Variants in SLX4 observed in about 807,000 individuals in gnomAD.
The protein encoded by SLX4 is SLX4 structure-specific endonuclease subunit.
SLX4 carries 112 observed loss-of-function variants against 146.2 expected under a neutral mutation model. That is an observed-to-expected ratio of 0.77 (90% CI 0.66 to 0.90). The LOEUF (loss-of-function observed/expected upper bound fraction) is 0.90, where lower values mean the gene tolerates loss of function less well. Among genes scored for constraint, SLX4 ranks in the 40% least tolerant of loss-of-function variants. SLX4 has a pLI of 0.00. For missense variants in SLX4, 2,563 were observed against 2,392.7 expected (o/e 1.07, Z -1.49); for synonymous variants, 1,061 against 997.7 (o/e 1.06, Z -1.20).
At position 3,608,507 on chromosome 16, in the gene SLX4, A is replaced by C. The variant is rs778977050; in HGVS notation, c.458T>G (p.Leu153Arg). The C allele has an allele frequency of 2.5e-6, 4 of 1,614,048 alleles. No homozygotes were observed. The highest frequency in any genetic ancestry group is 3.4e-6 in the Non-Finnish European group (4 of 1,180,032). Residue 153 changes from leucine to arginine, a missense_variant, in exon 2 of 15, where the codon CTC becomes CGC. Transcript: ENST00000294008. ...VLASAPDPPVLRETAQNTQTG... is the reference protein window; with the variant it reads ...VLASAPDPPVRRETAQNTQTG... ...CTGGGTGTTTTGTGCTGTTTCCCGGAGCACAGGTGGATCTGGAGCAGAGGC... is the reference window on the plus strand; with the variant it reads ...CTGGGTGTTTTGTGCTGTTTCCCGGCGCACAGGTGGATCTGGAGCAGAGGC...
chr16:3,587,540 C>T (rs2040521890), intron 12 of SLX4, among the ~76,000 whole-genome samples: 2 of 152,270 alleles, frequency 1.3e-5, no homozygotes, highest in South Asian at 2.1e-4. Context: ...TTTGAGCCCC[C>T]GATGAAAGCG....
chr16:3,610,866 G>A (rs1483892129), intron 1 of SLX4, among the ~76,000 whole-genome samples: 1 of 152,190 alleles, frequency 6.6e-6, no homozygotes, highest in Non-Finnish European at 1.5e-5. Context: ...AACGCTGCGG[G>A]GAGAGGAAAG....
Position 3,609,122 on chromosome 16 carries a change from G to A in SLX4, c.-158C>T. On this transcript the variant is annotated 5_prime_UTR_variant, in exon 2 of 15. Transcript: ENST00000294008. ...TTCCCTCTGTTAAAGTCCACAACTG[G>A]GCCGGGCGCGGTGGCTCACACTTGT... is the stretch of plus-strand genomic sequence containing the variant. 1 of 873,156 alleles carries A rather than the reference G, an allele frequency of 1.1e-6. No homozygotes were observed. The highest frequency in any genetic ancestry group is 1.8e-6 in the Non-Finnish European group (1 of 569,672). The allele number at this position is 873,156 out of a possible 1,614,324, so 54.1% of individuals were successfully genotyped here.
chr16:3,595,509 G>A (rs796706937), intron 9 of SLX4, 96 bp downstream of exon 9: 34 of 1,388,938 alleles, frequency 2.4e-5, no homozygotes, highest in African/African-American at 1.7e-4. Flanking sequence ...CTGCACTTGC[G>A]TTGGGGGCCA....
In SLX4 at chr16:3,597,121, G is replaced by A. The variant is rs558324052; in HGVS notation, c.1683+258C>T. 1.6e-4 allele frequency among the ~76,000 whole-genome samples: 25 copies of A among 152,194 alleles called. No homozygotes were observed. The highest frequency in any genetic ancestry group is 5.1e-4 in the African/African-American group (21 of 41,542). ...CGGGCGTGAGCCACTGCGCCCGGCC[G>A]GGACTCTGCATTTTCAACAAACTCC... On this transcript the variant is annotated intron_variant, in intron 7 of 14. Transcript: ENST00000294008. The surrounding 1 kb of genome is among the most constrained non-coding windows in gnomAD (Gnocchi z 4.4).
intron 3 of SLX4, among the ~76,000 whole-genome samples, chr16:3,602,649 T>C (rs909607059): frequency 2.0e-5 from 3 of 152,190 alleles, no homozygotes; most frequent in Non-Finnish European, 2.9e-5. Context: ...AGGACCACTC[T>C]GAGTAGCAAG....
At chr16:3,598,035 A>G in intron 5 of SLX4, 36 bp from the exon 6 acceptor site, 1 of 1,612,740 alleles carries the variant, frequency 6.2e-7, no homozygotes, top group Non-Finnish European at 8.5e-7. Context: ...TACTGGGGCT[A>G]GAGGAGTGCA....
At chr16:3,604,151 G>A (rs1213913850) in intron 3 of SLX4, among the ~76,000 whole-genome samples, 1 of 150,682 alleles carries the variant, frequency 6.6e-6, no homozygotes, top group Non-Finnish European at 1.5e-5. Flanking sequence ...AGAATAGCTT[G>A]AACCTGGGAG....
intron 12 of SLX4, among the ~76,000 whole-genome samples, chr16:3,588,550 G>A (rs2040534806): frequency 6.6e-6 from 1 of 152,208 alleles, no homozygotes; most frequent in Non-Finnish European, 1.5e-5. Context: ...GAACATGCAT[G>A]TCTGAGTCCC....
At position 3,594,347 on chromosome 16, in the gene SLX4, G is replaced by C. The variant is rs578140809; in HGVS notation, c.2160+106C>G. ...GTGGGGCAGGAAGTGAGGGAGAGTG[G>C]GGGGGTGGAAAGGGCACCTGAGACA... On this transcript the variant is annotated intron_variant, in intron 10 of 14. Transcript: ENST00000294008. 21 of 1,451,292 alleles carry C rather than the reference G, an allele frequency of 1.4e-5. No homozygotes were observed. In the East Asian group the frequency reaches 3.0e-4, roughly 21 times the overall value. The allele number at this position is 1,451,292 out of a possible 1,614,324, so 89.9% of individuals were successfully genotyped here. A position where few individuals can be genotyped will look rare whatever the true frequency, so the allele number is the denominator to read the frequency against.
rs1203954643 is a variant in SLX4, at chr16:3,606,642, G to A, written c.592C>T (p.Pro198Ser). ...PPPSCLTTAV[P>S]SPSKPRTAQL... ...GCTGTGCGGGGTTTGGAGGGACTTGGCACTGCTGTTGTCAAACAGGAAGGA... is the reference window on the plus strand; with the variant it reads ...GCTGTGCGGGGTTTGGAGGGACTTGACACTGCTGTTGTCAAACAGGAAGGA... The change falls in exon 3 of 15, where the codon CCA (proline) becomes TCA (serine). Residue 198 changes from proline to serine, a missense_variant. Pro to Ser is a moderately conservative substitution (Grantham distance 74). Coordinates refer to ENST00000294008, the MANE Select transcript of SLX4 (RefSeq NM_032444.4). 3 of 1,614,106 alleles carry A rather than the reference G, an allele frequency of 1.9e-6. No homozygotes were observed. Among genetic ancestry groups the A allele is most frequent in the Admixed American group, 3.3e-5 (2 of 60,000 alleles).
At chr16:3,582,813 TC>T in intron 14 of SLX4, 120 bp from the exon 15 acceptor site, 1 of 998,410 alleles carries the variant, frequency 1.0e-6, no homozygotes, top group Non-Finnish European at 1.5e-6. Flanking sequence ...TGTGGCACGA[TC>T]CCCAGCAAGG....
rs2151125489 is a variant in SLX4 at position 3,591,002 on chromosome 16, C to CT, written c.2635_2636insA (p.Trp879Ter). ...RAAGAGEDAD[W>*]LEGGSPVSGQ... ...AGAAACCGGACTGCCACCCTCCAGC[C>CT]AGTCAGCGTCCTCGCCGGCACCCGC... The change falls in exon 12 of 15, where the codon TGG becomes TAGG. Residue 879 changes from tryptophan (W) to a stop codon, truncating the protein, a stop_gained and frameshift_variant. Coordinates refer to ENST00000294008, the MANE Select transcript of SLX4 (RefSeq NM_032444.4). LOFTEE classifies it high-confidence loss of function. 6.2e-7 allele frequency: 1 copy of CT among 1,614,222 alleles called. No individual in the cohort carries two copies. Among genetic ancestry groups the CT allele is most frequent in the South Asian group, 1.1e-5 (1 of 91,082 alleles).
chr16:3,588,725 A>C (rs1567168597), intron 12 of SLX4, among the ~76,000 whole-genome samples: 1 of 152,168 alleles, frequency 6.6e-6, no homozygotes, highest in Non-Finnish European at 1.5e-5. Flanking sequence ...GTTCTGGAGA[A>C]GGGTCCACAG....
chr16:3,607,809 G>A (rs985963676), intron 2 of SLX4, among the ~76,000 whole-genome samples: 2 of 152,184 alleles, frequency 1.3e-5, no homozygotes, highest in Non-Finnish European at 2.9e-5. Context: ...GTCCTCATGC[G>A]GCCCTCTCAG....
chr16:3,611,150 G>A (rs2040863727), intron 1 of SLX4, among the ~76,000 whole-genome samples: 1 of 152,260 alleles, frequency 6.6e-6, no homozygotes, highest in South Asian at 2.1e-4. Context: ...GCTCACAGCA[G>A]GCGAGGGATG....
intron 4 of SLX4, 175 bp from the exon 5 acceptor site, chr16:3,601,366 G>T: frequency 1.5e-6 from 1 of 661,422 alleles, no homozygotes; most frequent in Non-Finnish European, 2.7e-6. Context: ...ACTACACTTA[G>T]GTATCTGTCA....
At chr16:3,609,592 T>C (rs78173617) in intron 1 of SLX4, 26 bp from the exon 2 acceptor site, 1 of 153,146 alleles carries the variant, frequency 6.5e-6, no homozygotes, top group South Asian at 2.0e-4. Flanking sequence ...AGCATGTAAG[T>C]GTAATCAGAC....
intron 4 of SLX4, chr16:3,601,760 A>C: frequency 3.0e-6 from 1 of 335,198 alleles, no homozygotes; most frequent in South Asian, 2.8e-5. Flanking sequence ...GAATCGGCAA[A>C]TCCATCCAGA....
Sources: allele counts gnomAD v4.1 joint callset (sites outside exome capture counted in the v4.1 genomes callset), GRCh38; gene constraint gnomAD v4.1.1; non-coding constraint Gnocchi (gnomAD v3.1); transcripts MANE v1.5; gene names NCBI Gene and HGNC (gene_info 2026-07-23, HGNC 2026-07-21).